Variants in ZRANB3 observed in about 807,000 individuals in gnomAD.
ZRANB3 encodes DNA annealing helicase and endonuclease ZRANB3.
ZRANB3 carries 125 observed loss-of-function variants against 133.8 expected under a neutral mutation model. The ratio of observed to expected loss-of-function variants is 0.93; its 90% CI spans 0.81 to 1.08. The LOEUF (loss-of-function observed/expected upper bound fraction) is 1.08. Ranked by LOEUF, ZRANB3 falls within the 50% of genes least tolerant of loss-of-function variation. The pLI, the probability that ZRANB3 is intolerant of heterozygous loss-of-function variation, is 0.00. For synonymous variants in ZRANB3, 387 were observed against 432.7 expected, an observed-to-expected ratio of 0.89 and a Z score of 1.31; for missense variants, 1,229 against 1,275.5, an observed-to-expected ratio of 0.96 and a Z score of 0.56.
At chr2:135,524,890 C>T (rs1422150188) in intron 1 of ZRANB3, among the ~76,000 whole-genome samples, 1 of 151,546 alleles carries the variant, frequency 6.6e-6, no homozygotes, top group Non-Finnish European at 1.5e-5. Flanking sequence ...TTATTTTGTT[C>T]CTTATACCAA....
chr2:135,311,789 G>A (rs1359649199), intron 8 of ZRANB3, among the ~76,000 whole-genome samples: 2 of 152,068 alleles, frequency 1.3e-5, no homozygotes, highest in African/African-American at 4.8e-5. Flanking sequence ...CCATACATTG[G>A]AGGATGTAAG....
intron 8 of ZRANB3, among the ~76,000 whole-genome samples, chr2:135,311,176 A>G (rs1434162452): frequency 6.6e-6 from 1 of 152,156 alleles, no homozygotes; most frequent in Admixed American, 6.6e-5. Context: ...GATACTTCAC[A>G]AAAGAAAATG....
At chr2:135,494,178 G>T in intron 2 of ZRANB3, among the ~76,000 whole-genome samples, 1 of 131,230 alleles carries the variant, frequency 7.6e-6, no homozygotes, top group African/African-American at 2.8e-5. Flanking sequence ...AGGGAGGGAG[G>T]GAGGGAGGGA....
intron 8 of ZRANB3, among the ~76,000 whole-genome samples, chr2:135,287,167 G>T (rs1459657277): frequency 6.6e-6 from 1 of 152,292 alleles, no homozygotes; most frequent in East Asian, 1.9e-4. Context: ...ACCATTTATT[G>T]AATAGAGTGT....
chr2:135,416,452 T>TA (rs1418213941), intron 2 of ZRANB3, among the ~76,000 whole-genome samples: 6 of 151,834 alleles, frequency 4.0e-5, no homozygotes, highest in Non-Finnish European at 8.8e-5. Flanking sequence ...CTCAATGAAA[T>TA]AAAAGAGGAT....
At chr2:135,477,688 G>A (rs1407690893) in intron 2 of ZRANB3, among the ~76,000 whole-genome samples, 1 of 152,108 alleles carries the variant, frequency 6.6e-6, no homozygotes, top group African/African-American at 2.4e-5. Flanking sequence ...ACTGACTAAT[G>A]AAGTAGCATA....
At chr2:135,349,944 CT>C (rs1685123160) in intron 5 of ZRANB3, 39 bp downstream of exon 5, 1 of 1,585,306 alleles carries the variant, frequency 6.3e-7, no homozygotes, top group African/African-American at 1.3e-5. Flanking sequence ...TCCCACCCCC[CT>C]TCTCTTCTTT....
At chr2:135,497,701 C>A (rs992157848) in intron 2 of ZRANB3, among the ~76,000 whole-genome samples, 6 of 152,100 alleles carry the variant, frequency 3.9e-5, no homozygotes, top group Non-Finnish European at 8.8e-5. Flanking sequence ...AGGAAAAAGT[C>A]TTTTCAATAA....
chr2:135,391,607 T>C, intron 2 of ZRANB3, among the ~76,000 whole-genome samples: 1 of 148,284 alleles, frequency 6.7e-6, no homozygotes, highest in East Asian at 2.0e-4. Flanking sequence ...TGAGACGGAG[T>C]CTCGCTCTGT....
chr2:135,274,027 T>C (rs1252604690), intron 9 of ZRANB3, among the ~76,000 whole-genome samples: 1 of 152,194 alleles, frequency 6.6e-6, no homozygotes, highest in African/African-American at 2.4e-5. Flanking sequence ...TTAGGTTAAT[T>C]AACTCTTAGA....
rs752778672 is a variant in ZRANB3, at chr2:135,269,065, T to G, written c.1283A>C (p.Glu428Ala). The change falls in exon 11 of 21, where the codon GAA (glutamate) becomes GCA (alanine). Residue 428 changes from glutamate (E) to alanine (A), a missense_variant. Physicochemically the swap from Glu to Ala is moderately radical, Grantham distance 107 (BLOSUM62 -1). Transcript: ENST00000264159. ...CTGGCCAATTCTGTGAGCTCGGTCT[T>G]CTGCTTGTTTTATATGTCCAGGGTC... is the stretch of plus-strand genomic sequence containing the variant. ...YWDPGHIKQA[E>A]DRAHRIGQCS... 13 of 1,613,014 alleles carry G rather than the reference T, an allele frequency of 8.1e-6. No homozygotes were observed. The South Asian group carries it at 1.4e-4, about 18-fold the overall frequency.
intron 8 of ZRANB3, among the ~76,000 whole-genome samples, chr2:135,276,607 A>T (rs1680839346): frequency 6.6e-6 from 1 of 152,216 alleles, no homozygotes; most frequent in African/African-American, 2.4e-5. Context: ...CTGGTTATGT[A>T]GAAATTGTGG....
intron 2 of ZRANB3, among the ~76,000 whole-genome samples, chr2:135,471,304 T>C (rs191355242): frequency 6.6e-6 from 1 of 152,256 alleles, no homozygotes; most frequent in Admixed American, 6.5e-5. Flanking sequence ...CAGTTTTATA[T>C]AACACTGTAA....
intron 3 of ZRANB3, among the ~76,000 whole-genome samples, chr2:135,379,240 G>A (rs960823758): frequency 9.2e-5 from 14 of 152,250 alleles, no homozygotes; most frequent in African/African-American, 3.4e-4. Context: ...TAGAAACAAG[G>A]AAGTAAGCAG....
At chr2:135,525,544 G>C (rs547700093) in intron 1 of ZRANB3, among the ~76,000 whole-genome samples, 1 of 152,084 alleles carries the variant, frequency 6.6e-6, no homozygotes, top group Non-Finnish European at 1.5e-5. Flanking sequence ...GTATATATCC[G>C]AAAGAACTGA....
At position 135,313,648 on chromosome 2, in the gene ZRANB3, G is replaced by A. The variant is rs575816672; in HGVS notation, c.850-43C>T. The stretch of plus-strand genomic sequence containing the variant: ...ACACTGTTTATGAATATAGCATAAC[G>A]AACAGAACAAATTAATGCAATCATG... On this transcript the variant is annotated intron_variant, in intron 7 of 20. Transcript: ENST00000264159. 2.9e-5 allele frequency: 37 copies of A among 1,280,250 alleles called. No individual in the cohort carries two copies. In the East Asian group the frequency reaches 5.9e-4, roughly 20 times the overall value. 79.3% of individuals were successfully genotyped at this position (1,280,250 alleles called of 1,614,324 possible).
intron 2 of ZRANB3, among the ~76,000 whole-genome samples, chr2:135,444,908 A>C (rs1689946676): frequency 6.6e-6 from 1 of 152,212 alleles, no homozygotes; most frequent in Non-Finnish European, 1.5e-5. Context: ...GTTTTGATAA[A>C]ATAAGAAATG....
At chr2:135,374,278 T>C (rs186341539) in intron 3 of ZRANB3, among the ~76,000 whole-genome samples, 18 of 152,120 alleles carry the variant, frequency 1.2e-4, no homozygotes, top group Admixed American at 3.9e-4. Flanking sequence ...TGGTGGCCAG[T>C]TCCTGTAATC....
Position 135,345,614 on chromosome 2 carries a change from G to C in ZRANB3, c.613C>G (p.Leu205Val), listed in dbSNP as rs1294445714. Residue 205 changes from leucine (L) to valine (V), a missense_variant, in exon 6 of 21, where the codon CTC becomes GTC. Physicochemically the swap from Leu to Val is conservative, Grantham distance 32. Coordinates refer to ENST00000264159, the MANE Select transcript of ZRANB3 (RefSeq NM_032143.4). ...PEELFMQIEA[L>V]FPQKFGRWTD... Reference sequence around the variant, plus strand: ...CATCTTCCAAATTTTTGTGGAAAGAGAGCTTCAATCTGCATAAAAAGCTAT... The same window carrying C: ...CATCTTCCAAATTTTTGTGGAAAGACAGCTTCAATCTGCATAAAAAGCTAT... The C allele has an allele frequency of 6.2e-7, 1 of 1,612,076 alleles. No individual in the cohort carries two copies. The highest frequency in any genetic ancestry group is 8.5e-7 in the Non-Finnish European group (1 of 1,178,786).
Sources: allele counts gnomAD v4.1 joint callset (sites outside exome capture counted in the v4.1 genomes callset), GRCh38; gene constraint gnomAD v4.1.1; transcripts MANE v1.5; gene names NCBI Gene and HGNC (gene_info 2026-07-23, HGNC 2026-07-21).